ACTR3C: variants seen among roughly 807,000 people sequenced by gnomAD.
ACTR3C encodes actin-related protein 3C.
In ACTR3C, 18 loss-of-function variants were observed where a neutral mutation model predicts 26.3. The ratio of observed to expected loss-of-function variants is 0.68; its 90% CI spans 0.47 to 1.01. The LOEUF is 1.01. Among genes scored for constraint, ACTR3C ranks in the 50% least tolerant of loss-of-function variants. The pLI is 0.00. For synonymous variants in ACTR3C, 55 were observed against 94.5 expected (o/e 0.58, Z 2.42); for missense variants, 184 against 250.7 (o/e 0.73, Z 1.80).
chr7:150,084,453 AAG>A, the ACTR3C span, among the ~76,000 whole-genome samples: 1 of 152,126 alleles, frequency 6.6e-6, no homozygotes, highest in African/African-American at 2.4e-5. Flanking sequence ...AAACAAGACA[AAG>A]AGATTGTGTG....
chr7:150,036,490 G>T, the ACTR3C span, among the ~76,000 whole-genome samples: 1 of 145,766 alleles, frequency 6.9e-6, no homozygotes, highest in African/African-American at 2.5e-5. Flanking sequence ...GCTGCCAGAA[G>T]ATTTTCTTGT....
chr7:150,167,173 C>T, the ACTR3C span, among the ~76,000 whole-genome samples: 1 of 150,240 alleles, frequency 6.7e-6, no homozygotes, highest in Non-Finnish European at 1.5e-5. Flanking sequence ...GGATATATTC[C>T]CAGCAGTGGG....
chr7:150,123,671 T>C, the ACTR3C span, among the ~76,000 whole-genome samples: 2 of 151,724 alleles, frequency 1.3e-5, no homozygotes, highest in Non-Finnish European at 2.9e-5. Flanking sequence ...TGTTAACCTT[T>C]GGGCCAAGAG....
At chr7:150,146,281 C>G in the ACTR3C span, among the ~76,000 whole-genome samples, 1 of 152,076 alleles carries the variant, frequency 6.6e-6, no homozygotes, top group African/African-American at 2.4e-5. Flanking sequence ...GGTGTCAATG[C>G]TAGTTCTGTG....
intron 4 of ACTR3C, among the ~76,000 whole-genome samples, chr7:150,288,253 AC>A (rs1365503872): frequency 1.3e-5 from 2 of 149,360 alleles, no homozygotes; most frequent in Non-Finnish European, 2.9e-5. Context: ...CCAAATTGGA[AC>A]CCCAACAGCC....
chr7:150,037,084 T>A, the ACTR3C span, among the ~76,000 whole-genome samples: 2 of 92,946 alleles, frequency 2.2e-5, no homozygotes, highest in African/African-American at 7.3e-5. Flanking sequence ...CTCCCCCTCG[T>A]GCGATGGGGG....
the ACTR3C span, among the ~76,000 whole-genome samples, chr7:150,076,985 T>C: frequency 2.0e-5 from 3 of 151,952 alleles, no homozygotes; most frequent in Non-Finnish European, 2.9e-5. Flanking sequence ...GCCAACATGG[T>C]GAAACCCTGT....
the ACTR3C span, among the ~76,000 whole-genome samples, chr7:150,035,219 T>A: frequency 5.2e-5 from 5 of 95,738 alleles, no homozygotes; most frequent in East Asian, 3.2e-4. Context: ...GCCTCCCACC[T>A]CTGCCATGGG....
the ACTR3C span, among the ~76,000 whole-genome samples, chr7:150,041,006 G>A: frequency 2.0e-5 from 3 of 150,612 alleles, no homozygotes; most frequent in Non-Finnish European, 4.4e-5. Flanking sequence ...GTTGTTTAGA[G>A]ACGTAGGCTA....
the ACTR3C span, among the ~76,000 whole-genome samples, chr7:149,960,968 G>A: frequency 6.6e-6 from 1 of 151,956 alleles, no homozygotes; most frequent in African/African-American, 2.4e-5. Flanking sequence ...CACAGGAAGT[G>A]TATACTCATA....
chr7:150,071,739 A>G, the ACTR3C span, among the ~76,000 whole-genome samples: 9 of 151,562 alleles, frequency 5.9e-5, no homozygotes, highest in Non-Finnish European at 7.4e-5. Context: ...AGGGCCTCCC[A>G]TAAGTAAGGC....
At chr7:150,001,178 G>A in the ACTR3C span, 1 of 152,418 alleles carries the variant, frequency 6.6e-6, no homozygotes, top group Non-Finnish European at 1.5e-5. Context: ...CTCTTGTCGA[G>A]TTGGGGCTTG....
intron 1 of ACTR3C, among the ~76,000 whole-genome samples, chr7:150,321,791 T>C (rs1396082141): frequency 6.6e-6 from 1 of 152,074 alleles, no homozygotes; most frequent in Non-Finnish European, 1.5e-5. Context: ...AAGATAAAAA[T>C]CACTATTCTT....
chr7:150,308,140 A>C (rs1241033331), intron 1 of ACTR3C, among the ~76,000 whole-genome samples: 3 of 151,822 alleles, frequency 2.0e-5, no homozygotes, highest in Non-Finnish European at 2.9e-5. Flanking sequence ...TTGATCCTCC[A>C]CCTTGGTGGC....
the ACTR3C span, among the ~76,000 whole-genome samples, chr7:149,975,645 T>C: frequency 6.6e-6 from 1 of 152,124 alleles, no homozygotes. Flanking sequence ...AAATACCTGA[T>C]ACTGGTTAAT....
the ACTR3C span, among the ~76,000 whole-genome samples, chr7:150,184,152 T>A: frequency 6.6e-6 from 1 of 150,846 alleles, no homozygotes; most frequent in African/African-American, 2.5e-5. Context: ...ACATGTCTAA[T>A]ATGCTCTGCA....
chr7:150,203,358 T>G, the ACTR3C span, among the ~76,000 whole-genome samples: 1 of 152,224 alleles, frequency 6.6e-6, no homozygotes, highest in Non-Finnish European at 1.5e-5. Context: ...AATGAGATTT[T>G]TCCACTTTGG....
the ACTR3C span, among the ~76,000 whole-genome samples, chr7:150,079,920 GTT>G: frequency 6.6e-6 from 1 of 152,146 alleles, no homozygotes; most frequent in South Asian, 2.1e-4. Flanking sequence ...TCTCTGATCT[GTT>G]TTGGGGCTGG....
At chr7:150,181,951 T>C in the ACTR3C span, among the ~76,000 whole-genome samples, 6 of 150,664 alleles carry the variant, frequency 4.0e-5, no homozygotes, top group African/African-American at 1.5e-4. Context: ...CTCATGGAGC[T>C]TACAGTCTAG....
Sources: allele counts gnomAD v4.1 joint callset (sites outside exome capture counted in the v4.1 genomes callset), GRCh38; gene constraint gnomAD v4.1.1; transcripts MANE v1.5; gene names NCBI Gene and HGNC (gene_info 2026-07-23, HGNC 2026-07-21).